The following EYS variants were observed in gnomAD, a reference collection of about 807,000 sequenced individuals.
EYS encodes protein eyes shut homolog.
EYS carries 250 observed loss-of-function variants against 282.1 expected under a neutral mutation model. The ratio of observed to expected loss-of-function variants is 0.89; its 90% CI spans 0.80 to 0.98. The LOEUF (loss-of-function observed/expected upper bound fraction) is 0.98. Ranked by LOEUF, EYS falls within the 50% of genes least tolerant of loss-of-function variation. The probability of loss-of-function intolerance (pLI) is 0.00; values close to 1 mark genes in which losing one functional copy is unlikely to be tolerated. For missense variants in EYS, 4,016 were observed against 3,709.0 expected, an observed-to-expected ratio of 1.08 and a Z score of -2.15; for synonymous variants, 1,355 against 1,282.9, an observed-to-expected ratio of 1.06 and a Z score of -1.20.
rs549785558 is a variant in EYS at position 64,705,475 on chromosome 6, A to G, written c.3444-79230T>C. Among the ~76,000 whole-genome samples, 13 of 152,174 alleles carry G rather than the reference A, an allele frequency of 8.5e-5. No individual in the cohort carries two copies. In the South Asian group the frequency reaches 2.7e-3, roughly 32 times the overall value. ...CATTCTTTACAGAACTAGGAAAAAA[A>G]TCCTAAAATTCATATGGAACCAAAA... is the stretch of plus-strand genomic sequence containing the variant. On this transcript the variant is annotated intron_variant, in intron 22 of 42. Transcript: ENST00000503581.
intron 13 of EYS, among the ~76,000 whole-genome samples, chr6:65,029,547 C>T (rs1412218080): frequency 6.6e-6 from 1 of 151,916 alleles, no homozygotes; most frequent in African/African-American, 2.4e-5. Context: ...CCTGCCTCTC[C>T]TGCCTCCCCT....
At chr6:64,866,966 T>A (rs1766443249) in intron 19 of EYS, among the ~76,000 whole-genome samples, 1 of 151,794 alleles carries the variant, frequency 6.6e-6, no homozygotes, top group Admixed American at 6.6e-5. Context: ...CAAAAATGTA[T>A]ACATATGCCT....
chr6:65,513,163 T>A (rs1238870096), intron 2 of EYS, among the ~76,000 whole-genome samples: 1 of 152,102 alleles, frequency 6.6e-6, no homozygotes, highest in East Asian at 1.9e-4. Context: ...TACAAACACC[T>A]CTACGCAAAC....
intron 12 of EYS, among the ~76,000 whole-genome samples, chr6:65,239,435 A>C (rs1767003764): frequency 6.6e-6 from 1 of 152,080 alleles, no homozygotes; most frequent in African/African-American, 2.4e-5. Flanking sequence ...AATTATCTGA[A>C]AGTATAAACT....
chr6:65,149,274 A>C (rs1764554834), intron 12 of EYS, among the ~76,000 whole-genome samples: 1 of 152,052 alleles, frequency 6.6e-6, no homozygotes, highest in Non-Finnish European at 1.5e-5. Flanking sequence ...CTTCCACCAG[A>C]TATCCTAAAT....
intron 41 of EYS, among the ~76,000 whole-genome samples, chr6:63,736,456 T>C (rs2149638265): frequency 1.3e-5 from 2 of 152,290 alleles, no homozygotes; most frequent in South Asian, 4.2e-4. Context: ...ATCTCTGTTT[T>C]GGTACCAGTA....
chr6:63,958,241 A>G (rs1415057975), intron 35 of EYS, among the ~76,000 whole-genome samples: 1 of 140,894 alleles, frequency 7.1e-6, no homozygotes, highest in African/African-American at 2.4e-5. Flanking sequence ...CTATGGTTCC[A>G]TACCAATTAA....
chr6:64,697,226 A>G (rs1008985973), intron 22 of EYS, among the ~76,000 whole-genome samples: 4 of 152,182 alleles, frequency 2.6e-5, no homozygotes. Context: ...GAGATTCCAC[A>G]CAAATGAAAA....
At chr6:64,177,529 G>T (rs1009164777) in intron 31 of EYS, among the ~76,000 whole-genome samples, 4 of 151,872 alleles carry the variant, frequency 2.6e-5, no homozygotes, top group African/African-American at 4.8e-5. Flanking sequence ...ATATGAATAT[G>T]CATGACATAT....
rs983840430 is a variant in EYS, at chr6:63,962,782, A to T, written c.7055+21601T>A. ...GGGTATATACCCAAAGGATTATAAAACATGCTGCTATAAAGACACATGCGC... is the reference window on the plus strand; with the variant it reads ...GGGTATATACCCAAAGGATTATAAATCATGCTGCTATAAAGACACATGCGC... On this transcript the variant is annotated intron_variant, in intron 35 of 42. Coordinates refer to ENST00000503581, the MANE Select transcript of EYS (RefSeq NM_001142800.2). 3.3e-5 allele frequency among the ~76,000 whole-genome samples: 5 copies of T among 151,860 alleles called. No homozygotes were observed. In the South Asian group the frequency reaches 6.2e-4, roughly 19 times the overall value.
chr6:64,411,153 C>T (rs1773877405), intron 28 of EYS, among the ~76,000 whole-genome samples: 1 of 151,936 alleles, frequency 6.6e-6, no homozygotes, highest in African/African-American at 2.4e-5. Context: ...AGTATGACAG[C>T]TATTTAATGA....
intron 31 of EYS, among the ~76,000 whole-genome samples, chr6:64,095,575 A>C (rs1441523993): frequency 6.6e-6 from 1 of 151,860 alleles, no homozygotes; most frequent in Non-Finnish European, 1.5e-5. Context: ...TAGGATTGCA[A>C]CCCCTGCCGT....
chr6:65,212,745 G>A (rs1582023219), intron 12 of EYS, among the ~76,000 whole-genome samples: 1 of 152,154 alleles, frequency 6.6e-6, no homozygotes, highest in South Asian at 2.1e-4. Flanking sequence ...TTATGTATAA[G>A]AAGAGTTATC....
intron 2 of EYS, among the ~76,000 whole-genome samples, chr6:65,570,876 A>AT (rs945269715): frequency 6.6e-6 from 1 of 152,044 alleles, no homozygotes; most frequent in Non-Finnish European, 1.5e-5. Context: ...GTAACTGAAG[A>AT]TTTTTTTCAA....
chr6:65,415,915 T>C (rs985599962), intron 5 of EYS, among the ~76,000 whole-genome samples: 2 of 152,040 alleles, frequency 1.3e-5, no homozygotes, highest in African/African-American at 4.8e-5. Context: ...GGTAGCATGG[T>C]TCCATGTATA....
At position 65,289,981 on chromosome 6, in the gene EYS, C is replaced by T. The variant is rs528307466; in HGVS notation, c.2023+5882G>A. Among the ~76,000 whole-genome samples, 10 of 151,162 alleles carry T rather than the reference C, an allele frequency of 6.6e-5. No homozygotes were observed. In the South Asian group the frequency reaches 2.1e-3, roughly 31 times the overall value. Reference sequence around the variant, plus strand: ...TGCCAAGTAAATTTAGAAGTCTTTTCTTTCAAATGCCATATTTACTCATAA... The same window carrying T: ...TGCCAAGTAAATTTAGAAGTCTTTTTTTTCAAATGCCATATTTACTCATAA... On this transcript the variant is annotated intron_variant, in intron 12 of 42. Coordinates refer to ENST00000503581, the MANE Select transcript of EYS (RefSeq NM_001142800.2).
intron 29 of EYS, among the ~76,000 whole-genome samples, chr6:64,311,654 T>C (rs1769709314): frequency 6.6e-6 from 1 of 152,316 alleles, no homozygotes; most frequent in Admixed American, 6.5e-5. Flanking sequence ...AGGTGGTTTC[T>C]GCATTTCCAA....
intron 5 of EYS, 37 bp downstream of exon 5, chr6:65,490,557 A>G (rs1562218086): frequency 9.5e-7 from 1 of 1,055,334 alleles, no homozygotes; most frequent in African/African-American, 1.6e-5. Flanking sequence ...AATTAAAGTT[A>G]CTTGTGTATA....
chr6:63,999,181 T>C lies in EYS; in HGVS notation c.6728A>G (p.Tyr2243Cys). Residue 2243 changes from tyrosine to cysteine, a missense_variant and splice_region_variant, in exon 34 of 43, where the codon TAC becomes TGC. Transcript: ENST00000503581. ...TCCAGGGCTGCCAACAGGCGTTGTG[T>C]AGCTAAACGTAAAACAGAAGAGGCC... ...TNAFTPITIRYTTPVGSPGVV... is the reference protein window; with the variant it reads ...TNAFTPITIRCTTPVGSPGVV... 1.9e-6 allele frequency: 3 copies of C among 1,549,680 alleles called. No individual in the cohort carries two copies. The highest frequency in any genetic ancestry group is 2.6e-6 in the Non-Finnish European group (3 of 1,145,228).
Sources: allele counts gnomAD v4.1 joint callset (sites outside exome capture counted in the v4.1 genomes callset), GRCh38; gene constraint gnomAD v4.1.1; transcripts MANE v1.5; gene names NCBI Gene and HGNC (gene_info 2026-07-23, HGNC 2026-07-21).